The following KIF1A variants were observed in gnomAD, a reference collection of about 807,000 sequenced individuals.
KIF1A encodes the protein kinesin-like protein KIF1A.
In KIF1A, 46 loss-of-function variants were observed where a neutral mutation model predicts 227.3. The observed-to-expected ratio is 0.20, with a 90% confidence interval of 0.16 to 0.26. KIF1A has a LOEUF of 0.26. Among genes scored for constraint, KIF1A ranks in the 10% least tolerant of loss-of-function variants. The pLI is 1.00. For synonymous variants in KIF1A, 1,022 were observed against 1,012.8 expected (o/e 1.01, Z -0.17); for missense variants, 1,683 against 2,485.9 (o/e 0.68, Z 6.87).
intron 1 of KIF1A, among the ~76,000 whole-genome samples, chr2:240,812,075 A>T (rs558545431): frequency 5.9e-5 from 9 of 152,302 alleles, no homozygotes; most frequent in Admixed American, 1.3e-4. Flanking sequence ...TCACTTGGTA[A>T]AAATGCATGC....
rs1024924782 is a variant in KIF1A at position 240,726,287 on chromosome 2, A to T, written c.4122+539T>A. The stretch of plus-strand genomic sequence containing the variant: ...ATCCCAAGGACAACACCCACACACT[A>T]AGTATGGTAGAGTGAGTTAACTGCC... On this transcript the variant is annotated intron_variant, in intron 39 of 48. Transcript: ENST00000498729. This position sits in a 1 kb window ranked among gnomAD's most constrained non-coding sequence, Gnocchi z 5.2. Among the ~76,000 whole-genome samples the T allele has an allele frequency of 1.3e-5, 2 of 152,170 alleles. No individual in the cohort carries two copies. The highest frequency in any genetic ancestry group is 1.3e-4 in the Admixed American group (2 of 15,280).
At position 240,740,962 on chromosome 2, in the gene KIF1A, G is replaced by A. The variant is rs1019863099; in HGVS notation, c.3749+307C>T. On this transcript the variant is annotated intron_variant, in intron 35 of 48. Coordinates refer to ENST00000498729, the MANE Select transcript of KIF1A (RefSeq NM_001244008.2). The surrounding 1 kb of genome is among the most constrained non-coding windows in gnomAD (Gnocchi z 6.1). ...CTTGATCACTTTGTAAGTGCTGTCT[G>A]CCTCCCTGCCCTGCCCCTGAGCCAT... 6.6e-6 allele frequency among the ~76,000 whole-genome samples: 1 copy of A among 151,772 alleles called. No individual in the cohort carries two copies. The highest frequency in any genetic ancestry group is 1.5e-5 in the Non-Finnish European group (1 of 67,896).
intron 5 of KIF1A, among the ~76,000 whole-genome samples, chr2:240,786,757 A>ACGCCATCAGGACCCCTGAGTGAGG (rs1559529963): frequency 5.0e-5 from 1 of 20,164 alleles, no homozygotes; most frequent in African/African-American, 2.0e-4. Flanking sequence ...CCTGAGTGAG[A>ACGCCATCAGGACCCCTGAGTGAGG]GGGTAGGGGC....
rs1479757181 is a variant in KIF1A at position 240,788,620 on chromosome 2, G to A, written c.184-390C>T. On this transcript the variant is annotated intron_variant, in intron 3 of 48. Transcript: ENST00000498729. This position sits in a 1 kb window ranked among gnomAD's most constrained non-coding sequence, Gnocchi z 6.6. ...CCCCACAGGCTGGGCTACAGCGCCT[G>A]GACACTGTCCTGAGGACAGTGGGGC... 6.6e-6 allele frequency among the ~76,000 whole-genome samples: 1 copy of A among 152,180 alleles called. No individual in the cohort carries two copies. Among genetic ancestry groups the A allele is most frequent in the African/African-American group, 2.4e-5 (1 of 41,448 alleles).
In KIF1A at chr2:240,719,175, T is replaced by C; in HGVS notation, c.5045A>G (p.Tyr1682Cys). Residue 1682 changes from tyrosine (Y) to cysteine (C), a missense_variant, in exon 47 of 49, where the codon TAC becomes TGC. By Grantham distance (194) the Tyr-to-Cys change is radical (BLOSUM62 -2). This residue lies in a region of KIF1A where 384 missense variants were observed against 410.1 expected (regional missense o/e 0.94). Transcript: ENST00000498729. ...RVSPIVSKKG[Y>C]LHFLEPHTSG... is the part of the protein sequence containing the mutation. ...CGTGTGCGGCTCCAGGAAGTGCAGG[T>C]ACCCCTTCTTGGAAACGATCGGGCT... 1.2e-6 allele frequency: 2 copies of C among 1,607,224 alleles called. No individual in the cohort carries two copies. The highest frequency in any genetic ancestry group is 1.7e-6 in the Non-Finnish European group (2 of 1,176,838).
At chr2:240,799,973 G>A (rs994907227) in intron 1 of KIF1A, among the ~76,000 whole-genome samples, 1 of 152,082 alleles carries the variant, frequency 6.6e-6, no homozygotes, top group Admixed American at 6.5e-5. Flanking sequence ...GAATTTGGCA[G>A]GATAAGAGAA....
chr2:240,771,166 A>C, intron 14 of KIF1A, 62 bp from the exon 15 acceptor site: 194 of 1,604,754 alleles, frequency 1.2e-4, no homozygotes, highest in Non-Finnish European at 1.5e-4. Flanking sequence ...TATTGTTCTC[A>C]AGGTCGGACA....
At chr2:240,760,113 T>C (rs567875203) in intron 25 of KIF1A, among the ~76,000 whole-genome samples, 374 of 151,400 alleles carry the variant, frequency 2.5e-3, no homozygotes, top group Non-Finnish European at 4.3e-3. Context: ...CCAGCTCACG[T>C]TGGGCACAGA....
chr2:240,782,526 AATGCAGGGCAGACACCG>A, intron 10 of KIF1A, 47 bp downstream of exon 10: 1 of 1,517,488 alleles, frequency 6.6e-7, no homozygotes. Flanking sequence ...ACAGGGCGCC[AATGCAGGGCAGACACCG>A]CCACCAGCCT....
rs759524840 is a variant in KIF1A at position 240,762,861 on chromosome 2, CCT to C, written c.2023-51_2023-50del. The C allele has an allele frequency of 5.9e-6, 9 of 1,517,204 alleles. No individual in the cohort carries two copies. In the African/African-American group the frequency reaches 9.6e-5, roughly 16 times the overall value. 94.0% of individuals were successfully genotyped at this position (1,517,204 alleles called of 1,614,324 possible). A position where few individuals can be genotyped will look rare whatever the true frequency, so the allele number is the denominator to read the frequency against. On this transcript the variant is annotated intron_variant, in intron 22 of 48. Transcript: ENST00000498729. ...TCCACTACGGCCCTACCTGCCTGGG[CCT>C]CTCACACTGCGCCTAGACAGTGGGC...
chr2:240,797,941 T>A (rs1332166705), intron 1 of KIF1A, 129 bp from the exon 2 acceptor site: 2 of 553,772 alleles, frequency 3.6e-6, no homozygotes, highest in Non-Finnish European at 6.4e-6. Context: ...ATGCATGGGG[T>A]GGAATCCACA....
chr2:240,744,812 C>T (rs1305079535), intron 32 of KIF1A, among the ~76,000 whole-genome samples: 3 of 152,212 alleles, frequency 2.0e-5, no homozygotes, highest in Non-Finnish European at 2.9e-5. Context: ...CCCACTGAGT[C>T]TCCAGGTTAT....
In KIF1A at chr2:240,773,295, G is replaced by A. The variant is rs781618299; in HGVS notation, c.1038-39C>T. 3 of 1,611,358 alleles carry A rather than the reference G, an allele frequency of 1.9e-6. No individual in the cohort carries two copies. In the Admixed American group the frequency reaches 5.0e-5, roughly 27 times the overall value. On this transcript the variant is annotated intron_variant, in intron 12 of 48. Coordinates refer to ENST00000498729, the MANE Select transcript of KIF1A (RefSeq NM_001244008.2). ...GGGGCTGTGGGCTGTGCTCGGGACA[G>A]GTCCACATCTGGCAGGTCCCAAGGG...
At chr2:240,720,709 A>G (rs2045244889) in intron 45 of KIF1A, 1 of 514,988 alleles carries the variant, frequency 1.9e-6, no homozygotes, top group East Asian at 3.2e-5. Context: ...ACACACACAC[A>G]CTAGGATGGA....
chr2:240,763,123 G>T (rs1265870566), intron 21 of KIF1A, 32 bp from the exon 22 acceptor site: 2 of 1,601,288 alleles, frequency 1.2e-6, no homozygotes, highest in African/African-American at 2.7e-5. Flanking sequence ...AGCACGGGAG[G>T]GCAGGAGGGG....
intron 27 of KIF1A, among the ~76,000 whole-genome samples, chr2:240,751,212 C>G (rs374565600): frequency 3.3e-5 from 5 of 152,172 alleles, no homozygotes; most frequent in African/African-American, 1.2e-4. Flanking sequence ...TACCTACGGT[C>G]GCCAGATAGC....
chr2:240,762,575 G>C, intron 23 of KIF1A, 144 bp downstream of exon 23: 1 of 1,225,924 alleles, frequency 8.2e-7, no homozygotes, highest in Non-Finnish European at 1.1e-6. Context: ...GCTTCCCAGG[G>C]CAAGGAGGTC....
At chr2:240,735,398 C>T (rs1163172181) in intron 38 of KIF1A, among the ~76,000 whole-genome samples, 1 of 113,016 alleles carries the variant, frequency 8.8e-6, no homozygotes, top group Admixed American at 8.0e-5. Flanking sequence ...GAGCCGCTCC[C>T]TCCTACGTCA....
chr2:240,772,045 G>A (rs1270795587), intron 14 of KIF1A, among the ~76,000 whole-genome samples: 2 of 152,216 alleles, frequency 1.3e-5, no homozygotes, highest in Non-Finnish European at 2.9e-5. Flanking sequence ...CACAAAGGTT[G>A]GGTGGGATTT....
Sources: gnomAD v4.1 joint callset for allele counts (sites outside exome capture counted in the v4.1 genomes callset) on GRCh38, gnomAD v4.1.1 for gene constraint, gnomAD v4.1.1 regional missense constraint, Gnocchi (gnomAD v3.1) non-coding constraint, MANE v1.5 for transcripts, NCBI Gene and HGNC (gene_info 2026-07-23, HGNC 2026-07-21) for gene names.